Variants in NR2C1 observed in about 807,000 individuals in gnomAD.
The protein encoded by NR2C1 is TR2 nuclear hormone receptor.
NR2C1 carries 33 observed loss-of-function variants against 74.8 expected under a neutral mutation model. That is an observed-to-expected ratio of 0.44 (90% CI 0.33 to 0.59). The LOEUF (loss-of-function observed/expected upper bound fraction) is 0.59, where lower values mean the gene tolerates loss of function less well. Ranked by LOEUF, NR2C1 falls within the 20% of genes least tolerant of loss-of-function variation. The pLI, the probability that NR2C1 is intolerant of heterozygous loss-of-function variation, is 0.02. For missense variants in NR2C1, 568 were observed against 715.6 expected (o/e 0.79, Z 2.35); for synonymous variants, 225 against 240.6 (o/e 0.94, Z 0.60).
intron 10 of NR2C1, among the ~76,000 whole-genome samples, chr12:95,032,362 G>A (rs1424325867): frequency 6.6e-6 from 1 of 152,008 alleles, no homozygotes; most frequent in African/African-American, 2.4e-5. Context: ...GGAGGCTGAG[G>A]CAGGAGAATG....
At chr12:95,066,364 A>G (rs562385532) in intron 2 of NR2C1, among the ~76,000 whole-genome samples, 45 of 152,338 alleles carry the variant, frequency 3.0e-4, no homozygotes, top group African/African-American at 1.0e-3. Context: ...TCAGCCAGGC[A>G]CGTGAGCACA....
At chr12:95,068,509 C>T (rs1218130059) in intron 1 of NR2C1, among the ~76,000 whole-genome samples, 1 of 152,098 alleles carries the variant, frequency 6.6e-6, no homozygotes, top group Admixed American at 6.6e-5. Context: ...AAAATCTACA[C>T]TTGGACCGGC....
chr12:95,032,049 G>C (rs1409562126), intron 10 of NR2C1, among the ~76,000 whole-genome samples: 1 of 152,136 alleles, frequency 6.6e-6, no homozygotes, highest in Non-Finnish European at 1.5e-5. Flanking sequence ...TGTATTTTTA[G>C]TAGAGACAAG....
chr12:95,030,564 T>A, intron 11 of NR2C1: 1 of 1,613,056 alleles, frequency 6.2e-7, no homozygotes, highest in Non-Finnish European at 8.5e-7. Flanking sequence ...ATAAGTAAGA[T>A]GGGAATGTGA....
At chr12:95,054,325 G>GT (rs1873518514) in intron 7 of NR2C1, among the ~76,000 whole-genome samples, 1 of 150,296 alleles carries the variant, frequency 6.7e-6, no homozygotes, top group Non-Finnish European at 1.5e-5. Context: ...AAGAGACAGT[G>GT]TTTTTTAGAG....
intron 2 of NR2C1, among the ~76,000 whole-genome samples, chr12:95,065,525 G>A (rs929532782): frequency 2.0e-5 from 3 of 151,926 alleles, no homozygotes; most frequent in Non-Finnish European, 2.9e-5. Flanking sequence ...TTTGGGGTAC[G>A]TGAGATGTTT....
intron 10 of NR2C1, among the ~76,000 whole-genome samples, chr12:95,038,989 T>A (rs1871190798): frequency 6.6e-6 from 1 of 152,148 alleles, no homozygotes; most frequent in African/African-American, 2.4e-5. Context: ...CATGCCTGTA[T>A]GGGAGGCATC....
intron 3 of NR2C1, among the ~76,000 whole-genome samples, chr12:95,060,385 G>A (rs989712975): frequency 6.6e-6 from 1 of 152,202 alleles, no homozygotes; most frequent in Non-Finnish European, 1.5e-5. Flanking sequence ...TGGGTGCGGT[G>A]GCTCACGCCT....
chr12:95,032,797 A>G (rs1422042755), intron 10 of NR2C1, among the ~76,000 whole-genome samples: 1 of 152,038 alleles, frequency 6.6e-6, no homozygotes, highest in East Asian at 1.9e-4. Flanking sequence ...GCGAAACTCT[A>G]TCTCTACAAA....
At chr12:95,030,848 A>G (rs766989292) in intron 11 of NR2C1, 2 of 1,613,438 alleles carry the variant, frequency 1.2e-6, no homozygotes, top group African/African-American at 1.3e-5. Context: ...TTGTGAAATG[A>G]ATGAGGGCTG....
rs1458476512 is a variant in NR2C1 at position 95,020,271 on chromosome 12, GAC to G, written c.*1956_*1957del. ...AATATATTTACAAATATACTGGTAA[GAC>G]ACAGAAATTTGTAATGCAAGTCACA... On this transcript the variant is annotated 3_prime_UTR_variant, in exon 14 of 14. Coordinates refer to ENST00000333003, the MANE Select transcript of NR2C1 (RefSeq NM_003297.4). 1.3e-5 allele frequency: 2 copies of G among 152,116 alleles called. No individual in the cohort carries two copies. Among genetic ancestry groups the G allele is most frequent in the Admixed American group, 6.6e-5 (1 of 15,260 alleles). The allele number at this position is 152,116 out of a possible 1,614,324, so 9.4% of individuals were successfully genotyped here.
At chr12:95,024,900 T>C (rs1230114346) in intron 13 of NR2C1, among the ~76,000 whole-genome samples, 1 of 152,236 alleles carries the variant, frequency 6.6e-6, no homozygotes, top group African/African-American at 2.4e-5. Flanking sequence ...GGTGCTATCA[T>C]TTACTGTGTG....
At chr12:95,069,602 A>C (rs1876281530) in intron 1 of NR2C1, among the ~76,000 whole-genome samples, 1 of 152,234 alleles carries the variant, frequency 6.6e-6, no homozygotes, top group South Asian at 2.1e-4. Flanking sequence ...CTGTGATAAA[A>C]TCACTTAGGG....
chr12:95,072,244 T>C (rs1013368894), intron 1 of NR2C1, among the ~76,000 whole-genome samples: 26 of 148,032 alleles, frequency 1.8e-4, no homozygotes, highest in Non-Finnish European at 3.1e-4. Flanking sequence ...CTGGCCAACA[T>C]AGTGAAACCC....
chr12:95,023,220 AAAT>A (rs1304303041), intron 13 of NR2C1, among the ~76,000 whole-genome samples: 1 of 152,040 alleles, frequency 6.6e-6, no homozygotes, highest in African/African-American at 2.4e-5. Flanking sequence ...AAAATACAAA[AAAT>A]AATTAGCCAG....
At chr12:95,046,992 A>T (rs1872399332) in intron 9 of NR2C1, among the ~76,000 whole-genome samples, 1 of 152,112 alleles carries the variant, frequency 6.6e-6, no homozygotes, top group Non-Finnish European at 1.5e-5. Context: ...TCCTAAGAAG[A>T]AAAAAAAGTT....
At chr12:95,031,848 T>C (rs1354951873) in intron 10 of NR2C1, among the ~76,000 whole-genome samples, 1 of 152,236 alleles carries the variant, frequency 6.6e-6, no homozygotes, top group Non-Finnish European at 1.5e-5. Context: ...GTAAATACCT[T>C]TTAAAAGAAA....
Position 95,062,496 on chromosome 12 carries a change from A to G in NR2C1, c.285+12T>C, listed in dbSNP as rs1408712542. On this transcript the variant is annotated intron_variant, in intron 3 of 13. Transcript: ENST00000333003. ...ATATGTAAGAGGAAAAGACACTTCT[A>G]TAGTTATTTACCTGCAGGTGTTGTG... 1 of 1,564,456 alleles carries G rather than the reference A, an allele frequency of 6.4e-7. No individual in the cohort carries two copies. The highest frequency in any genetic ancestry group is 1.4e-5 in the African/African-American group (1 of 73,516).
chr12:95,058,015 TAGAA>T, intron 5 of NR2C1, 137 bp from the exon 6 acceptor site: 1 of 823,600 alleles, frequency 1.2e-6, no homozygotes, highest in Non-Finnish European at 1.9e-6. Context: ...CATCAATCTT[TAGAA>T]ATTATGTGCA....
Sources: allele counts gnomAD v4.1 joint callset (sites outside exome capture counted in the v4.1 genomes callset), GRCh38; gene constraint gnomAD v4.1.1; transcripts MANE v1.5; gene names NCBI Gene and HGNC (gene_info 2026-07-23, HGNC 2026-07-21).